The following FREM2 variants were observed in gnomAD, a reference collection of about 807,000 sequenced individuals.
The protein encoded by FREM2 is FRAS1-related extracellular matrix protein 2.
In FREM2, 119 loss-of-function variants were observed where a neutral mutation model predicts 219.9. That is an observed-to-expected ratio of 0.54 (90% CI 0.47 to 0.63). The LOEUF is 0.63. FREM2 is among the 30% of genes least tolerant of loss of function. The pLI is 0.00. For synonymous variants in FREM2, 1,562 were observed against 1,522.8 expected, an observed-to-expected ratio of 1.03 and a Z score of -0.60; for missense variants, 4,030 against 3,993.6, an observed-to-expected ratio of 1.01 and a Z score of -0.25.
At chr13:38,851,561 G>A in intron 10 of FREM2, 125 bp from the exon 11 acceptor site, 1 of 773,974 alleles carries the variant, frequency 1.3e-6, no homozygotes, top group Non-Finnish European at 2.2e-6. Context: ...TGAGTGAGGG[G>A]ACAGAGAGAA....
At chr13:38,801,467 T>C (rs187329035) in intron 6 of FREM2, among the ~76,000 whole-genome samples, 61 of 152,336 alleles carry the variant, frequency 4.0e-4, no homozygotes, top group African/African-American at 1.4e-3. Flanking sequence ...TGCTTCTAAT[T>C]TTTTGAATTT....
At chr13:38,830,537 G>A (rs1036984328) in intron 6 of FREM2, among the ~76,000 whole-genome samples, 1 of 152,272 alleles carries the variant, frequency 6.6e-6, no homozygotes, top group African/African-American at 2.4e-5. Context: ...AAGTTCTGAT[G>A]ATTTCAATTC....
chr13:38,762,103 A>G (rs986302089), intron 2 of FREM2, among the ~76,000 whole-genome samples: 2 of 152,126 alleles, frequency 1.3e-5, no homozygotes, highest in African/African-American at 4.8e-5. Flanking sequence ...GAATGATACT[A>G]TTGACCTCAG....
chr13:38,722,138 G>A (rs958830967), intron 2 of FREM2, among the ~76,000 whole-genome samples: 2 of 152,130 alleles, frequency 1.3e-5, no homozygotes, highest in Non-Finnish European at 2.9e-5. Flanking sequence ...TCCTGCCTCC[G>A]CCTCCCTAGT....
intron 11 of FREM2, among the ~76,000 whole-genome samples, chr13:38,852,079 C>A (rs1877392368): frequency 6.6e-6 from 1 of 152,010 alleles, no homozygotes; most frequent in Admixed American, 6.6e-5. Context: ...ATCTCCATCC[C>A]CAGAATAATG....
chr13:38,840,182 C>T (rs1423341975), intron 6 of FREM2, among the ~76,000 whole-genome samples: 2 of 152,056 alleles, frequency 1.3e-5, no homozygotes, highest in Non-Finnish European at 2.9e-5. Context: ...GGCACAGTCC[C>T]TCATGGCTTC....
At chr13:38,727,796 G>T (rs1463132778) in intron 2 of FREM2, among the ~76,000 whole-genome samples, 2 of 150,336 alleles carry the variant, frequency 1.3e-5, no homozygotes, top group Non-Finnish European at 2.9e-5. Flanking sequence ...TTTCTGTTTT[G>T]CTTCTGGCAA....
Position 38,880,642 on chromosome 13 carries a change from T to C in FREM2, c.9365T>C (p.Leu3122Ser). Residue 3122 changes from leucine to serine, a missense_variant, in exon 24 of 24, where the codon TTA (leucine) becomes TCA (serine). By Grantham distance (145) the Leu-to-Ser change is moderately radical. This residue lies in a region of FREM2 where 928 missense variants were observed against 1,042.9 expected (regional missense o/e 0.89). Transcript: ENST00000280481. ...VTVVGGTTVG[L>S]LTICLTVIAV... ...GTGGTGGGAGGCACCACGGTAGGGT[T>C]ACTCACCATCTGCCTCACTGTCATT... The C allele has an allele frequency of 6.2e-7, 1 of 1,614,118 alleles. No homozygotes were observed. The highest frequency in any genetic ancestry group is 2.2e-5 in the East Asian group (1 of 44,862).
Position 38,784,788 on chromosome 13 carries a change from T to C in FREM2, c.5999T>C (p.Ile2000Thr), listed in dbSNP as rs755067052. Residue 2000 changes from isoleucine to threonine, a missense_variant, in exon 6 of 24, where the codon ATC becomes ACC. By Grantham distance (89) the Ile-to-Thr change is moderately conservative (BLOSUM62 -1). Around this residue, in one of 2 missense-constraint regions of FREM2, gnomAD observed 3,102 missense variants for 2,950.7 expected, o/e 1.05. Transcript: ENST00000280481. Reference sequence around the variant, plus strand: ...GAGTTCCCAGGGGCTCAAGTTACAATCGTTCCTGACAAAGATGATGGTGAG... The same window carrying C: ...GAGTTCCCAGGGGCTCAAGTTACAACCGTTCCTGACAAAGATGATGGTGAG... ...GSEFPGAQVTIVPDKDDEPIF... is the reference protein window; with the variant it reads ...GSEFPGAQVTTVPDKDDEPIF... 2.6e-5 allele frequency: 42 copies of C among 1,614,066 alleles called. No individual in the cohort carries two copies. Among genetic ancestry groups the C allele is most frequent in the Non-Finnish European group, 3.3e-5 (39 of 1,180,024 alleles).
chr13:38,773,548 GC>G (rs369205363), intron 4 of FREM2, among the ~76,000 whole-genome samples: 9 of 152,198 alleles, frequency 5.9e-5, no homozygotes, highest in East Asian at 1.9e-4. Flanking sequence ...ACACCACCAT[GC>G]CCAGATAAGT....
intron 6 of FREM2, among the ~76,000 whole-genome samples, chr13:38,813,608 G>T (rs1409019743): frequency 4.0e-5 from 4 of 98,994 alleles, no homozygotes; most frequent in South Asian, 3.7e-4. Flanking sequence ...TCTCTCTCTT[G>T]CTGCTTTTAG....
chr13:38,791,708 C>T (rs936524944), intron 6 of FREM2, among the ~76,000 whole-genome samples: 1 of 152,154 alleles, frequency 6.6e-6, no homozygotes, highest in Non-Finnish European at 1.5e-5. Context: ...TCCACCTGGT[C>T]CTGCCCTTGT....
At position 38,690,302 on chromosome 13, in the gene FREM2, A is replaced by C; in HGVS notation, c.2958A>C (p.Glu986Asp). The change falls in exon 1 of 24, where the codon GAA (glutamate) becomes GAC (aspartate). Residue 986 changes from glutamate (E) to aspartate (D), a missense_variant. Around this residue, in one of 2 missense-constraint regions of FREM2, gnomAD observed 3,102 missense variants for 2,950.7 expected, o/e 1.05. Coordinates refer to ENST00000280481, the MANE Select transcript of FREM2 (RefSeq NM_207361.6). The stretch of plus-strand genomic sequence containing the variant: ...ACTTGATGTTGACTTTCCTCTTGGA[A>C]GATCCACCTTTGTATGGGGAAATCT... ...TDDLMLTFLL[E>D]DPPLYGEILV... 1 of 1,614,236 alleles carries C rather than the reference A, an allele frequency of 6.2e-7. No homozygotes were observed. Among genetic ancestry groups the C allele is most frequent in the Non-Finnish European group, 8.5e-7 (1 of 1,180,036 alleles).
At chr13:38,785,020 T>C (rs991893526) in intron 6 of FREM2, among the ~76,000 whole-genome samples, 1 of 152,242 alleles carries the variant, frequency 6.6e-6, no homozygotes, top group African/African-American at 2.4e-5. Context: ...GTCACAATTA[T>C]GTGAGTTTTT....
intron 2 of FREM2, among the ~76,000 whole-genome samples, chr13:38,736,861 C>A (rs925185748): frequency 2.8e-5 from 2 of 70,240 alleles, no homozygotes; most frequent in African/African-American, 5.4e-5. Context: ...CAAATGCAAA[C>A]CGTTTGTTTT....
chr13:38,793,000 C>T (rs1239807119), intron 6 of FREM2, among the ~76,000 whole-genome samples: 1 of 152,148 alleles, frequency 6.6e-6, no homozygotes, highest in African/African-American at 2.4e-5. Flanking sequence ...AGAAACCTGC[C>T]ACTTGAAAGA....
chr13:38,690,160 A>G lies in FREM2; in HGVS notation c.2816A>G (p.Glu939Gly). 6.2e-7 allele frequency: 1 copy of G among 1,614,118 alleles called. No individual in the cohort carries two copies. ...GTAAATGTCCGGCCAGTGGATGATG[A>G]AGTGCCCATACTGAGCCATCCTACT... ...LRVNVRPVDD[E>G]VPILSHPTGT... The change falls in exon 1 of 24, where the codon GAA becomes GGA. Residue 939 changes from glutamate to glycine, a missense_variant. By Grantham distance (98) the Glu-to-Gly change is moderately conservative (BLOSUM62 -2). Coordinates refer to ENST00000280481, the MANE Select transcript of FREM2 (RefSeq NM_207361.6).
chr13:38,803,381 G>A (rs1000346238), intron 6 of FREM2, among the ~76,000 whole-genome samples: 1 of 152,062 alleles, frequency 6.6e-6, no homozygotes, highest in Non-Finnish European at 1.5e-5. Flanking sequence ...ACAGGAACAG[G>A]TCTTGATGAA....
intron 12 of FREM2, 44 bp from the exon 13 acceptor site, chr13:38,857,831 G>A: frequency 1.3e-6 from 2 of 1,552,392 alleles, no homozygotes; most frequent in South Asian, 1.1e-5. Context: ...AGCATCAAAA[G>A]TTTAATATTT....
Sources: allele counts gnomAD v4.1 joint callset (sites outside exome capture counted in the v4.1 genomes callset), GRCh38; gene constraint gnomAD v4.1.1; regional missense constraint gnomAD v4.1.1; transcripts MANE v1.5; gene names NCBI Gene and HGNC (gene_info 2026-07-23, HGNC 2026-07-21).